Variants in SHISA9 observed in about 807,000 individuals in gnomAD.
SHISA9 encodes the protein protein shisa-9.
In SHISA9, 13 loss-of-function variants were observed where a neutral mutation model predicts 38.0. The ratio of observed to expected loss-of-function variants is 0.34; its 90% CI spans 0.22 to 0.54. The LOEUF is 0.54. Ranked by LOEUF, SHISA9 falls within the 20% of genes least tolerant of loss-of-function variation. The pLI is 0.91. For synonymous variants in SHISA9, 275 were observed against 242.0 expected, an observed-to-expected ratio of 1.14 and a Z score of -1.27; for missense variants, 538 against 575.8, an observed-to-expected ratio of 0.93 and a Z score of 0.67.
chr16:13,551,973 G>A, the SHISA9 span, among the ~76,000 whole-genome samples: 1 of 152,128 alleles, frequency 6.6e-6, no homozygotes, highest in Non-Finnish European at 1.5e-5. Flanking sequence ...GTTGCAGTGA[G>A]CTGAGATCTC....
At chr16:13,161,301 C>A (rs1325457862) in intron 2 of SHISA9, among the ~76,000 whole-genome samples, 2 of 152,042 alleles carry the variant, frequency 1.3e-5, no homozygotes, top group African/African-American at 2.4e-5. Flanking sequence ...GATATCTTTC[C>A]CCCCTGCTTG....
At chr16:13,347,530 G>A in the SHISA9 span, among the ~76,000 whole-genome samples, 12 of 152,224 alleles carry the variant, frequency 7.9e-5, no homozygotes, top group East Asian at 9.6e-4. Flanking sequence ...TGTTTAGAGC[G>A]GGTGCAAAAG....
At chr16:13,193,634 C>T (rs1014521524) in intron 2 of SHISA9, among the ~76,000 whole-genome samples, 3 of 152,216 alleles carry the variant, frequency 2.0e-5, no homozygotes, top group African/African-American at 7.2e-5. Flanking sequence ...GCATGAGCCA[C>T]CGCGCCTGGC....
the SHISA9 span, among the ~76,000 whole-genome samples, chr16:13,347,977 T>A: frequency 6.6e-6 from 1 of 152,214 alleles, no homozygotes; most frequent in Non-Finnish European, 1.5e-5. Context: ...TTATCCTGGA[T>A]AAGCCACCTG....
the SHISA9 span, among the ~76,000 whole-genome samples, chr16:13,287,955 A>G: frequency 6.6e-6 from 1 of 152,194 alleles, no homozygotes; most frequent in African/African-American, 2.4e-5. Flanking sequence ...ATACAGGTCC[A>G]TTCACAGAGA....
chr16:13,070,958 C>T (rs1042984646), intron 2 of SHISA9, among the ~76,000 whole-genome samples: 1 of 152,152 alleles, frequency 6.6e-6, no homozygotes, highest in Non-Finnish European at 1.5e-5. Flanking sequence ...CTCTTGCTTT[C>T]CTCCACTCTT....
chr16:13,132,567 A>C (rs964540892), intron 2 of SHISA9, among the ~76,000 whole-genome samples: 2 of 152,108 alleles, frequency 1.3e-5, no homozygotes, highest in Non-Finnish European at 2.9e-5. Context: ...CATCTGTGAC[A>C]ACCAAAATAT....
intron 2 of SHISA9, among the ~76,000 whole-genome samples, chr16:13,147,969 G>A (rs763165529): frequency 7.2e-5 from 11 of 152,206 alleles, no homozygotes; most frequent in South Asian, 2.1e-4. Flanking sequence ...ACTGAGGTCC[G>A]AGAGGGGGAC....
intron 2 of SHISA9, among the ~76,000 whole-genome samples, chr16:13,017,960 C>T (rs766480626): frequency 6.6e-5 from 10 of 152,210 alleles, no homozygotes; most frequent in Non-Finnish European, 1.3e-4. Context: ...ATTCCCTTCT[C>T]AAAGGAAATT....
chr16:13,445,765 G>A, the SHISA9 span, among the ~76,000 whole-genome samples: 26,635 of 152,042 alleles, frequency 0.18, 2,966 homozygotes, highest in East Asian at 0.35. Flanking sequence ...GAAGCCAGAC[G>A]ACCTAGACTC....
At chr16:13,047,998 T>C (rs572193112) in intron 2 of SHISA9, among the ~76,000 whole-genome samples, 11 of 152,242 alleles carry the variant, frequency 7.2e-5, no homozygotes, top group East Asian at 5.8e-4. Flanking sequence ...CCAAGACTCA[T>C]TGTTAATTTC....
intron 2 of SHISA9, among the ~76,000 whole-genome samples, chr16:13,162,340 A>G (rs2142013643): frequency 6.6e-6 from 1 of 152,270 alleles, no homozygotes. Flanking sequence ...CAGGGAAGGG[A>G]GGCATTTGTT....
intron 2 of SHISA9, among the ~76,000 whole-genome samples, chr16:13,139,707 C>G (rs1485794776): frequency 6.6e-6 from 1 of 152,136 alleles, no homozygotes; most frequent in Non-Finnish European, 1.5e-5. Context: ...TTCCAAACCA[C>G]TGGAATTGAC....
intron 2 of SHISA9, among the ~76,000 whole-genome samples, chr16:13,076,029 A>AT (rs35313169): frequency 0.025 from 3,322 of 135,490 alleles, 60 homozygotes; most frequent in African/African-American, 0.039. Flanking sequence ...TGAGAAATAG[A>AT]TTTTTTTTTT....
the SHISA9 span, among the ~76,000 whole-genome samples, chr16:13,538,331 C>T: frequency 5.3e-5 from 8 of 152,110 alleles, no homozygotes; most frequent in South Asian, 1.2e-3. Context: ...CCTCCTTTCT[C>T]GGGCTTTTAT....
the SHISA9 span, among the ~76,000 whole-genome samples, chr16:13,443,854 T>C: frequency 9.9e-5 from 15 of 152,222 alleles, no homozygotes; most frequent in African/African-American, 3.6e-4. Flanking sequence ...CTGTCTCTTA[T>C]GGGATCATCT....
chr16:13,381,937 C>G, the SHISA9 span, among the ~76,000 whole-genome samples: 1 of 151,484 alleles, frequency 6.6e-6, no homozygotes, highest in South Asian at 2.1e-4. Context: ...GAGAGTGTTC[C>G]CAGACACAAA....
chr16:12,908,630 T>A, intron 1 of SHISA9: 1 of 1,550,640 alleles, frequency 6.4e-7, no homozygotes. Flanking sequence ...AGTGCAAACC[T>A]GCAGGAATTC....
At chr16:12,913,780 C>T (rs1393948057) in intron 1 of SHISA9, among the ~76,000 whole-genome samples, 1 of 152,154 alleles carries the variant, frequency 6.6e-6, no homozygotes, top group Admixed American at 6.5e-5. Context: ...CCTTTTGTAT[C>T]TGGCCTCTTT....
Sources: allele counts gnomAD v4.1 joint callset (sites outside exome capture counted in the v4.1 genomes callset), GRCh38; gene constraint gnomAD v4.1.1; transcripts MANE v1.5; gene names NCBI Gene and HGNC (gene_info 2026-07-23, HGNC 2026-07-21).